The following ARHGEF28 variants were observed in gnomAD, a reference collection of about 807,000 sequenced individuals.
ARHGEF28 encodes the protein 190 kDa guanine nucleotide exchange factor.
Under a neutral mutation model 206.6 loss-of-function variants are expected in ARHGEF28, and 152 were observed. The ratio of observed to expected loss-of-function variants is 0.74; its 90% CI spans 0.64 to 0.84. The LOEUF is 0.84. ARHGEF28 is among the 40% of genes least tolerant of loss of function. The probability of loss-of-function intolerance (pLI) is 0.00; values close to 1 mark genes in which losing one functional copy is unlikely to be tolerated. For synonymous variants in ARHGEF28, 763 were observed against 776.4 expected (o/e 0.98, Z 0.29); for missense variants, 2,028 against 2,073.2 (o/e 0.98, Z 0.42).
At chr5:73,649,501 T>C (rs1744660329) in intron 1 of ARHGEF28, among the ~76,000 whole-genome samples, 1 of 152,124 alleles carries the variant, frequency 6.6e-6, no homozygotes, top group Non-Finnish European at 1.5e-5. Flanking sequence ...AGCCATAAGG[T>C]GGTTTGACTG....
intron 35 of ARHGEF28, among the ~76,000 whole-genome samples, chr5:73,932,511 A>G (rs1312152929): frequency 6.6e-6 from 1 of 152,194 alleles, no homozygotes; most frequent in Non-Finnish European, 1.5e-5. Context: ...AAATAATGCT[A>G]GTGGCCAACC....
intron 4 of ARHGEF28, among the ~76,000 whole-genome samples, chr5:73,771,635 G>A (rs1481728239): frequency 6.6e-6 from 1 of 151,800 alleles, no homozygotes; most frequent in East Asian, 1.9e-4. Context: ...GAGTACACAT[G>A]CACATATGTG....
At position 73,715,543 on chromosome 5, in the gene ARHGEF28, A is replaced by G. The variant is rs189988915; in HGVS notation, c.33+30659A>G. Among the ~76,000 whole-genome samples the G allele has an allele frequency of 4.6e-5, 7 of 152,366 alleles. No homozygotes were observed. In the East Asian group the frequency reaches 1.2e-3, roughly 25 times the overall value. ...GTTTGGATGCTGTTCAGAGAAAAAAAGAAAAACAAAACAACCCAAAAGGCA... is the reference window on the plus strand; with the variant it reads ...GTTTGGATGCTGTTCAGAGAAAAAAGGAAAAACAAAACAACCCAAAAGGCA... On this transcript the variant is annotated intron_variant, in intron 2 of 35. Coordinates refer to ENST00000513042, the MANE Select transcript of ARHGEF28 (RefSeq NM_001177693.2).
In ARHGEF28 at chr5:73,702,616, A is replaced by G. The variant is rs117002834; in HGVS notation, c.33+17732A>G. On this transcript the variant is annotated intron_variant, in intron 2 of 35. Transcript: ENST00000513042. ...GTGTTAGCTTTTTGGGGAACTGCCA[A>G]ACTTTCCTACAGTGGCTGCACCATT... Among the ~76,000 whole-genome samples the G allele has an allele frequency of 2.4e-4, 36 of 152,314 alleles. No individual in the cohort carries two copies. The East Asian group carries it at 6.9e-3, about 29-fold the overall frequency.
At chr5:73,674,927 C>T (rs1259356623) in intron 1 of ARHGEF28, among the ~76,000 whole-genome samples, 2 of 152,156 alleles carry the variant, frequency 1.3e-5, no homozygotes, top group African/African-American at 4.8e-5. Flanking sequence ...ATGCTTCACC[C>T]TATGCATTTC....
Position 73,911,326 on chromosome 5 carries a change from A to G in ARHGEF28, c.4699A>G (p.Ile1567Val), listed in dbSNP as rs555286930. ...TTTATGTCATGAAAACTCATTCTTC[A>G]TCAATGAAGCTTTAGTACAAATGTC... ...ESLCHENSFF[I>V]NEALVQMSFN... The change falls in exon 35 of 36, where the codon ATC (isoleucine) becomes GTC (valine). Residue 1567 changes from isoleucine to valine, a missense_variant. Ile to Val is a conservative substitution (Grantham distance 29). Transcript: ENST00000513042. The G allele has an allele frequency of 5.0e-6, 8 of 1,610,532 alleles. No individual in the cohort carries two copies. Among genetic ancestry groups the G allele is most frequent in the East Asian group, 4.5e-5 (2 of 44,860 alleles).
chr5:73,758,321 C>T (rs1752421681), intron 4 of ARHGEF28, among the ~76,000 whole-genome samples: 1 of 152,154 alleles, frequency 6.6e-6, no homozygotes, highest in South Asian at 2.1e-4. Context: ...ATATTTCTCA[C>T]ATATGTTTAC....
chr5:73,825,548 C>T (rs981688600), intron 9 of ARHGEF28, among the ~76,000 whole-genome samples: 20 of 152,124 alleles, frequency 1.3e-4, no homozygotes, highest in South Asian at 2.1e-4. Context: ...CATTGGAGAA[C>T]GTTGCAGAGG....
chr5:73,722,945 T>C (rs887501743), intron 2 of ARHGEF28, among the ~76,000 whole-genome samples: 2 of 152,248 alleles, frequency 1.3e-5, no homozygotes, highest in African/African-American at 4.8e-5. Flanking sequence ...ATTTAATATC[T>C]TAATTAGCCA....
intron 9 of ARHGEF28, among the ~76,000 whole-genome samples, chr5:73,830,319 C>T (rs1195823786): frequency 5.3e-5 from 8 of 152,060 alleles, no homozygotes; most frequent in South Asian, 4.2e-4. Flanking sequence ...TTTGGGAGGC[C>T]GAGGCGGCTG....
At chr5:73,921,165 A>T (rs966528642) in intron 35 of ARHGEF28, among the ~76,000 whole-genome samples, 2 of 152,242 alleles carry the variant, frequency 1.3e-5, no homozygotes, top group African/African-American at 4.8e-5. Flanking sequence ...ATGGCCTTCT[A>T]GGTATCAGCC....
chr5:73,886,265 C>A (rs1012376497), intron 25 of ARHGEF28, among the ~76,000 whole-genome samples, 161 bp downstream of exon 25: 3 of 152,190 alleles, frequency 2.0e-5, no homozygotes, highest in South Asian at 2.1e-4. Context: ...GCAAATTTGG[C>A]CAATGATACA....
At chr5:73,817,907 C>T (rs1038559) in intron 9 of ARHGEF28, among the ~76,000 whole-genome samples, 54,269 of 151,880 alleles carry the variant, frequency 0.36, 10,275 homozygotes, top group African/African-American at 0.49. Context: ...TGTATCTTTA[C>T]TAGGAGGAGA....
At chr5:73,737,419 C>T (rs1002904104) in intron 2 of ARHGEF28, among the ~76,000 whole-genome samples, 2 of 141,268 alleles carry the variant, frequency 1.4e-5, no homozygotes, top group Admixed American at 7.2e-5. Context: ...TTTTGTTTCT[C>T]TCCCCACCGA....
At chr5:73,777,023 A>G (rs1753581076) in intron 6 of ARHGEF28, among the ~76,000 whole-genome samples, 1 of 152,198 alleles carries the variant, frequency 6.6e-6, no homozygotes, top group Non-Finnish European at 1.5e-5. Context: ...TCTTACATGT[A>G]TAATATCTAC....
At chr5:73,856,061 G>A (rs945051111) in intron 14 of ARHGEF28, among the ~76,000 whole-genome samples, 4 of 152,082 alleles carry the variant, frequency 2.6e-5, no homozygotes, top group Non-Finnish European at 5.9e-5. Context: ...GTCAAAAAAG[G>A]CCTTCTAAGA....
rs61748630 is a variant in ARHGEF28 at position 73,909,730 on chromosome 5, G to A, written c.4480G>A (p.Asp1494Asn). 1 of 1,517,478 alleles carries A rather than the reference G, an allele frequency of 6.6e-7. No individual in the cohort carries two copies. Among genetic ancestry groups the A allele is most frequent in the Admixed American group, 2.0e-5 (1 of 49,720 alleles). 94.0% of individuals were successfully genotyped at this position (1,517,478 alleles called of 1,614,324 possible). Reference sequence around the variant, plus strand: ...GCTGCTGCGGAGCCGGGGCGAGCTGGACCTCCAGCTCCAGGAGTACCAGCA... The same window carrying A: ...GCTGCTGCGGAGCCGGGGCGAGCTGAACCTCCAGCTCCAGGAGTACCAGCA... ...ELLLRSRGEL[D>N]LQLQEYQHSL... Residue 1494 changes from aspartate (D) to asparagine (N), a missense_variant, in exon 34 of 36, where the codon GAC becomes AAC. Coordinates refer to ENST00000513042, the MANE Select transcript of ARHGEF28 (RefSeq NM_001177693.2).
intron 33 of ARHGEF28, chr5:73,905,339 C>G (rs1384419115): frequency 6.7e-6 from 1 of 149,972 alleles, no homozygotes; most frequent in Non-Finnish European, 1.5e-5. Context: ...TTCCACAAAA[C>G]AGGTCCCTGA....
chr5:73,815,951 G>T (rs545247603), intron 9 of ARHGEF28, among the ~76,000 whole-genome samples: 3 of 152,314 alleles, frequency 2.0e-5, no homozygotes, highest in Non-Finnish European at 4.4e-5. Flanking sequence ...TTAAATCATG[G>T]TGATTTAGTT....
Sources: gnomAD v4.1 joint callset for allele counts (sites outside exome capture counted in the v4.1 genomes callset) on GRCh38, gnomAD v4.1.1 for gene constraint, MANE v1.5 for transcripts, NCBI Gene and HGNC (gene_info 2026-07-23, HGNC 2026-07-21) for gene names.